The following COBL variants were observed in gnomAD, a reference collection of about 807,000 sequenced individuals.
The protein encoded by COBL is cordon-bleu WH2 repeat protein, also known as protein cordon-bleu.
COBL carries 51 observed loss-of-function variants against 98.8 expected under a neutral mutation model. The observed-to-expected ratio is 0.52, with a 90% CI of 0.41 to 0.65. COBL has a LOEUF of 0.65. Among genes scored for constraint, COBL ranks in the 30% least tolerant of loss-of-function variants. The probability of loss-of-function intolerance (pLI) is 0.00; values close to 1 mark genes in which losing one functional copy is unlikely to be tolerated. For missense variants in COBL, 1,617 were observed against 1,617.5 expected, an observed-to-expected ratio of 1.00 and a Z score of 0.01; for synonymous variants, 634 against 651.7, an observed-to-expected ratio of 0.97 and a Z score of 0.41.
In COBL at chr7:51,074,441, G is replaced by A. The variant is rs376516868; in HGVS notation, c.1096+10725C>T. On this transcript the variant is annotated intron_variant, in intron 7 of 12. Coordinates refer to ENST00000265136, the MANE Select transcript of COBL (RefSeq NM_015198.5). ...GATCTCCTGACCTCGTGATCCACCC[G>A]CCTCAGCCTCCCAAAGTGCTGGGAT... 9.2e-5 allele frequency among the ~76,000 whole-genome samples: 14 copies of A among 152,154 alleles called. 1 individual carries two copies. In the South Asian group the frequency reaches 1.9e-3, roughly 20 times the overall value.
intron 5 of COBL, among the ~76,000 whole-genome samples, chr7:51,162,188 CA>C (rs1277528958): frequency 6.6e-6 from 1 of 152,176 alleles, no homozygotes; most frequent in African/African-American, 2.4e-5. Flanking sequence ...TTCACAGCTA[CA>C]CAGGCTGAGT....
At position 51,284,756 on chromosome 7, in the gene COBL, G is replaced by A. The variant is rs189020735; in HGVS notation, c.41+31837C>T. On this transcript the variant is annotated intron_variant, in intron 1 of 12. Coordinates refer to ENST00000265136, the MANE Select transcript of COBL (RefSeq NM_015198.5). Reference sequence around the variant, plus strand: ...GCAGGAGAATCACTTGAACCCAGGAGGCAGAGGTTGTGGTGAGCCAAGATC... The same window carrying A: ...GCAGGAGAATCACTTGAACCCAGGAAGCAGAGGTTGTGGTGAGCCAAGATC... 2.7e-3 allele frequency among the ~76,000 whole-genome samples: 412 copies of A among 151,258 alleles called. 2 individuals carry two copies. The highest frequency in any genetic ancestry group is 4.1e-3 in the Non-Finnish European group (276 of 67,876).
chr7:51,155,772 C>T (rs529861320), intron 5 of COBL, among the ~76,000 whole-genome samples: 25 of 152,022 alleles, frequency 1.6e-4, no homozygotes, highest in Admixed American at 9.2e-4. Context: ...AACAGAAAAA[C>T]GTTATCTGCT....
At chr7:51,160,010 A>T (rs2129033379) in intron 5 of COBL, among the ~76,000 whole-genome samples, 1 of 152,294 alleles carries the variant, frequency 6.6e-6, no homozygotes, top group Non-Finnish European at 1.5e-5. Flanking sequence ...CTCCTGCCTC[A>T]GCCTCCTGAG....
At chr7:51,108,901 C>T (rs1197510757) in intron 6 of COBL, among the ~76,000 whole-genome samples, 1 of 147,478 alleles carries the variant, frequency 6.8e-6, no homozygotes, top group African/African-American at 2.5e-5. Flanking sequence ...CACAAAGATA[C>T]ACACACTGAC....
chr7:51,076,897 T>C (rs1793134788), intron 7 of COBL, among the ~76,000 whole-genome samples: 2 of 152,196 alleles, frequency 1.3e-5, no homozygotes, highest in South Asian at 4.1e-4. Flanking sequence ...AAATTGAGGA[T>C]CTGTAATTTG....
rs771778534 is a variant in COBL at position 51,219,787 on chromosome 7, C to T, written c.199G>A (p.Val67Met). The T allele has an allele frequency of 1.2e-5, 19 of 1,614,050 alleles. 1 individual carries two copies. The highest frequency in any genetic ancestry group is 3.3e-5 in the South Asian group (3 of 91,080). The change falls in exon 2 of 13, where the codon GTG becomes ATG. Residue 67 changes from valine (V) to methionine (M), a missense_variant. Physicochemically the swap from Val to Met is conservative, Grantham distance 21. Around this residue, in one of 3 missense-constraint regions of COBL, gnomAD observed 238 missense variants for 215.0 expected, o/e 1.11. Transcript: ENST00000265136. ...TTCTCCAGCCCACTAGGCAGGACCACGGTGACGTCCATGGTGCTGGCCCTC... is the reference window on the plus strand; with the variant it reads ...TTCTCCAGCCCACTAGGCAGGACCATGGTGACGTCCATGGTGCTGGCCCTC... ...ALRASTMDVT[V>M]VLPSGLEKRS...
At chr7:51,141,264 T>C (rs2129011885) in intron 5 of COBL, among the ~76,000 whole-genome samples, 1 of 152,122 alleles carries the variant, frequency 6.6e-6, no homozygotes. Flanking sequence ...TATTGAGGAA[T>C]TCAGATGTTG....
chr7:51,316,498 AGAGGGCGCCCT>A (rs1487280118), intron 1 of COBL, 84 bp downstream of exon 1: 57 of 936,204 alleles, frequency 6.1e-5, no homozygotes, highest in Non-Finnish European at 7.4e-5. Flanking sequence ...GGGGCGGCAG[AGAGGGCGCCCT>A]GCCCGGGAGC....
chr7:51,049,025 A>G (rs1028439112), intron 7 of COBL, among the ~76,000 whole-genome samples: 4 of 152,214 alleles, frequency 2.6e-5, no homozygotes, highest in Non-Finnish European at 5.9e-5. Context: ...TTATGGTTAC[A>G]TCATTCCATT....
At chr7:51,110,499 A>T (rs1488523524) in intron 6 of COBL, among the ~76,000 whole-genome samples, 1 of 152,186 alleles carries the variant, frequency 6.6e-6, no homozygotes, top group Non-Finnish European at 1.5e-5. Flanking sequence ...CATCTTCTCT[A>T]ACCATTCATC....
intron 1 of COBL, among the ~76,000 whole-genome samples, chr7:51,272,274 T>TC (rs377643275): frequency 6.6e-6 from 1 of 152,284 alleles, no homozygotes; most frequent in East Asian, 1.9e-4. Flanking sequence ...AGGTATGATT[T>TC]TTTTCCAGTA....
Position 51,016,420 on chromosome 7 carries a change from T to G in COBL, c.*1131A>C, listed in dbSNP as rs531771714. ...ACTTGTTTTCTCACTCAGATACACA[T>G]TTTATTTCATCAACACATCTTGATT... On this transcript the variant is annotated 3_prime_UTR_variant, in exon 13 of 13. Coordinates refer to ENST00000265136, the MANE Select transcript of COBL (RefSeq NM_015198.5). 1 of 152,430 alleles carries G rather than the reference T, an allele frequency of 6.6e-6. No homozygotes were observed. Among genetic ancestry groups the G allele is most frequent in the South Asian group, 2.1e-4 (1 of 4,826 alleles). 9.4% of individuals were successfully genotyped at this position (152,430 alleles called of 1,614,324 possible). A position where few individuals can be genotyped will look rare whatever the true frequency, so the allele number is the denominator to read the frequency against.
At chr7:51,181,766 G>A (rs1424024896) in intron 5 of COBL, among the ~76,000 whole-genome samples, 2 of 152,144 alleles carry the variant, frequency 1.3e-5, no homozygotes, top group East Asian at 3.9e-4. Flanking sequence ...CTGCTGTGTC[G>A]ACAATGGTGA....
At chr7:51,163,651 T>C (rs1443645781) in intron 5 of COBL, among the ~76,000 whole-genome samples, 2 of 152,224 alleles carry the variant, frequency 1.3e-5, no homozygotes, top group African/African-American at 4.8e-5. Flanking sequence ...ATCAATAATA[T>C]AACAAACTTC....
At chr7:51,307,473 C>T (rs2129212261) in intron 1 of COBL, among the ~76,000 whole-genome samples, 1 of 152,278 alleles carries the variant, frequency 6.6e-6, no homozygotes, top group African/African-American at 2.4e-5. Flanking sequence ...CTGGCCATCT[C>T]CTATCTCTGT....
At chr7:51,035,588 T>C (rs940457137) in intron 8 of COBL, 7 of 152,222 alleles carry the variant, frequency 4.6e-5, no homozygotes, top group African/African-American at 9.6e-5. Flanking sequence ...CCTAGAACAA[T>C]GGTGCCCAAT....
At chr7:51,261,982 A>G (rs1267148681) in intron 1 of COBL, among the ~76,000 whole-genome samples, 1 of 152,224 alleles carries the variant, frequency 6.6e-6, no homozygotes, top group African/African-American at 2.4e-5. Context: ...AGGAACGCTA[A>G]GCTCCAGATT....
intron 1 of COBL, among the ~76,000 whole-genome samples, chr7:51,316,194 G>A (rs1584483754): frequency 6.6e-6 from 1 of 152,238 alleles, no homozygotes; most frequent in East Asian, 2.0e-4. Flanking sequence ...CCGCAGGGAA[G>A]AGGCCGGAGT....
Sources: allele counts gnomAD v4.1 joint callset (sites outside exome capture counted in the v4.1 genomes callset), GRCh38; gene constraint gnomAD v4.1.1; regional missense constraint gnomAD v4.1.1; transcripts MANE v1.5; gene names NCBI Gene and HGNC (gene_info 2026-07-23, HGNC 2026-07-21).